Variants in PDE1C observed in about 807,000 individuals in gnomAD.
PDE1C encodes phosphodiesterase 1C.
Under a neutral mutation model 93.1 loss-of-function variants are expected in PDE1C, and 62 were observed. The observed-to-expected ratio is 0.67, with a 90% confidence interval of 0.54 to 0.82. The LOEUF is 0.82. Ranked by LOEUF, PDE1C falls within the 40% of genes least tolerant of loss-of-function variation. PDE1C has a pLI of 0.00. For synonymous variants in PDE1C, 325 were observed against 310.1 expected, an observed-to-expected ratio of 1.05 and a Z score of -0.50; for missense variants, 742 against 884.6, an observed-to-expected ratio of 0.84 and a Z score of 2.04.
intron 17 of PDE1C, among the ~76,000 whole-genome samples, chr7:31,775,206 A>C (rs1256909324): frequency 6.6e-6 from 1 of 152,220 alleles, no homozygotes; most frequent in African/African-American, 2.4e-5. Flanking sequence ...TAAATTTACA[A>C]GCATTATTTC....
At chr7:31,749,735 A>ATTTTT (rs776124846), downstream of PDE1C, among the ~76,000 whole-genome samples, 3 of 131,320 alleles carry the variant, frequency 2.3e-5, 1 homozygote, top group Non-Finnish European at 4.7e-5. Context: ...CTGTTGTCTA[A>ATTTTT]TTTTTTTTTT....
intron 1 of PDE1C, among the ~76,000 whole-genome samples, chr7:32,343,191 C>T (rs925849491): frequency 1.1e-4 from 16 of 152,194 alleles, no homozygotes; most frequent in African/African-American, 3.9e-4. Flanking sequence ...TCTGCCCCAT[C>T]AGCATCAAGA....
chr7:32,396,482 A>G (rs1345889063), intron 1 of PDE1C, among the ~76,000 whole-genome samples: 2 of 150,344 alleles, frequency 1.3e-5, no homozygotes, highest in African/African-American at 2.4e-5. Context: ...TGTGTCAAAA[A>G]ACAAAAATAA....
chr7:32,309,585 G>A (rs1166197505), intron 1 of PDE1C, among the ~76,000 whole-genome samples: 4 of 152,136 alleles, frequency 2.6e-5, no homozygotes, highest in African/African-American at 9.7e-5. Flanking sequence ...AGGGAGTGGG[G>A]GCCAATATTC....
chr7:32,291,326 T>C (rs372730636), intron 1 of PDE1C, among the ~76,000 whole-genome samples: 1 of 152,254 alleles, frequency 6.6e-6, no homozygotes, highest in Non-Finnish European at 1.5e-5. Flanking sequence ...GTATCTATTA[T>C]TAATTTGTTA....
At chr7:31,711,739 T>C in the PDE1C span, among the ~76,000 whole-genome samples, 5 of 152,284 alleles carry the variant, frequency 3.3e-5, no homozygotes, top group South Asian at 1.0e-3. Context: ...CTCGCCCCAC[T>C]CCATCCTCCA....
chr7:32,279,999 C>T (rs1811523918), intron 1 of PDE1C, among the ~76,000 whole-genome samples: 1 of 152,152 alleles, frequency 6.6e-6, no homozygotes, highest in African/African-American at 2.4e-5. Flanking sequence ...ACAGCATGCA[C>T]AGAATGATCC....
chr7:31,620,319 T>G, the PDE1C span, among the ~76,000 whole-genome samples: 3 of 151,754 alleles, frequency 2.0e-5, no homozygotes, highest in African/African-American at 7.2e-5. Flanking sequence ...AGTGGGTCCC[T>G]GACCCCTGAC....
intron 3 of PDE1C, among the ~76,000 whole-genome samples, chr7:32,156,539 C>T (rs972093997): frequency 6.6e-6 from 1 of 152,170 alleles, no homozygotes; most frequent in Non-Finnish European, 1.5e-5. Flanking sequence ...ATGGACCACC[C>T]CACCTCGCCT....
exon 1 of PDE1C, chr7:32,298,672 C>A: frequency 3.1e-6 from 5 of 1,607,614 alleles, no homozygotes; most frequent in Middle Eastern, 1.7e-4. Context: ...CTGTAGCCAT[C>A]GATGCTGAAA....
chr7:31,692,747 G>C, the PDE1C span, among the ~76,000 whole-genome samples: 2 of 152,188 alleles, frequency 1.3e-5, no homozygotes. Flanking sequence ...ATTAGACAGA[G>C]AGAGAGAAAG....
intron 16 of PDE1C, among the ~76,000 whole-genome samples, chr7:31,805,107 C>T (rs962848470): frequency 3.3e-5 from 5 of 151,694 alleles, no homozygotes; most frequent in African/African-American, 7.3e-5. Context: ...TCTGCCACCA[C>T]GTAAGATGTG....
At chr7:32,415,151 C>G (rs1785248046) in intron 1 of PDE1C, among the ~76,000 whole-genome samples, 1 of 152,070 alleles carries the variant, frequency 6.6e-6, no homozygotes, top group Admixed American at 6.6e-5. Flanking sequence ...ACTCCTGTCT[C>G]TACAAATAAA....
intron 1 of PDE1C, among the ~76,000 whole-genome samples, chr7:32,415,485 A>G (rs1180254324): frequency 2.0e-5 from 3 of 152,174 alleles, no homozygotes; most frequent in Non-Finnish European, 2.9e-5. Context: ...TTTTAAATTT[A>G]AGAATAGATG....
chr7:31,648,704 T>G, the PDE1C span, among the ~76,000 whole-genome samples: 1 of 152,196 alleles, frequency 6.6e-6, no homozygotes, highest in Non-Finnish European at 1.5e-5. Flanking sequence ...CCCCAGAACT[T>G]TGAAGTGAAT....
intron 1 of PDE1C, among the ~76,000 whole-genome samples, chr7:32,214,402 T>C (rs6966630): frequency 0.4 from 61,370 of 151,726 alleles, 12,757 homozygotes; most frequent in Admixed American, 0.52. Context: ...TGGACACACA[T>C]TGGAATCACC....
chr7:32,217,127 C>T (rs188609291), intron 1 of PDE1C, among the ~76,000 whole-genome samples: 1 of 152,302 alleles, frequency 6.6e-6, no homozygotes, highest in Non-Finnish European at 1.5e-5. Flanking sequence ...ATTCAAGAGC[C>T]CCAAGGTGTC....
chr7:32,242,767 C>CA (rs1168342919), intron 1 of PDE1C, among the ~76,000 whole-genome samples: 1 of 152,082 alleles, frequency 6.6e-6, no homozygotes, highest in Non-Finnish European at 1.5e-5. Context: ...GCTTGGGGGC[C>CA]ATGGGAGAAT....
intron 2 of PDE1C, among the ~76,000 whole-genome samples, chr7:32,181,641 T>G (rs1392696301): frequency 6.6e-6 from 1 of 151,432 alleles, no homozygotes; most frequent in East Asian, 1.9e-4. Context: ...CTGGGACACA[T>G]TCAAAGCAGT....
Sources: gnomAD v4.1 joint callset for allele counts (sites outside exome capture counted in the v4.1 genomes callset) on GRCh38, gnomAD v4.1.1 for gene constraint, MANE v1.5 for transcripts, NCBI Gene and HGNC (gene_info 2026-07-23, HGNC 2026-07-21) for gene names.